Variants in MSANTD2 observed in about 807,000 individuals in gnomAD.
MSANTD2 encodes the protein myb/SANT-like DNA-binding domain-containing protein 2.
In MSANTD2, 19 loss-of-function variants were observed where a neutral mutation model predicts 52.6. The observed-to-expected ratio is 0.36, with a 90% confidence interval of 0.25 to 0.53. The LOEUF is 0.53. Ranked by LOEUF, MSANTD2 falls within the 20% of genes least tolerant of loss-of-function variation. The pLI, the probability that MSANTD2 is intolerant of heterozygous loss-of-function variation, is 0.91. For synonymous variants in MSANTD2, 291 were observed against 289.7 expected (o/e 1.00, Z -0.04); for missense variants, 558 against 716.3 (o/e 0.78, Z 2.52).
At position 124,800,165 on chromosome 11, in the gene MSANTD2, G is replaced by A; in HGVS notation, c.216C>T (p.Gly72=). Residue 72 remains glycine, a synonymous_variant, in exon 1 of 4, where the codon GGC becomes GGT. Transcript: ENST00000374979. This position sits in a 1 kb window ranked among gnomAD's most constrained non-coding sequence, Gnocchi z 4.3. ...ASGGLGLGLG[G]RSAASSSVSF... is the part of the protein sequence containing the mutation. ...AGACCGAGGACGAGGCGGCGCTGCG[G>A]CCCCCCAGCCCCAGCCCGAGACCCC... The A allele has an allele frequency of 6.8e-7, 1 of 1,462,028 alleles. No homozygotes were observed. 90.6% of individuals were successfully genotyped at this position (1,462,028 alleles called of 1,614,324 possible).
At position 124,799,959 on chromosome 11, in the gene MSANTD2, G is replaced by A; in HGVS notation, c.422C>T (p.Pro141Leu). 6.3e-7 allele frequency: 1 copy of A among 1,585,470 alleles called. No homozygotes were observed. Among genetic ancestry groups the A allele is most frequent in the Non-Finnish European group, 8.5e-7 (1 of 1,174,720 alleles). The change falls in exon 1 of 4, where the codon CCC (proline) becomes CTC (leucine). Residue 141 changes from proline to leucine, a missense_variant. Physicochemically the swap from Pro to Leu is moderately conservative, Grantham distance 98. This residue lies in a region of MSANTD2 where 408 missense variants were observed against 573.6 expected (regional missense o/e 0.71). Coordinates refer to ENST00000374979, the MANE Select transcript of MSANTD2 (RefSeq NM_001308027.2). Reference sequence around the variant, plus strand: ...CACGCGCTCGTACATGGCTGGCCCGGGGGCCTTGCTGCCGAACACCGTGCC... The same window carrying A: ...CACGCGCTCGTACATGGCTGGCCCGAGGGCCTTGCTGCCGAACACCGTGCC... ...GAGTVFGSKA[P>L]GPAMYERVSR... is the part of the protein sequence containing the mutation.
At chr11:124,799,813 C>T in intron 1 of MSANTD2, 58 bp downstream of exon 1, 4 of 1,375,024 alleles carry the variant, frequency 2.9e-6, no homozygotes, top group Non-Finnish European at 3.9e-6. Context: ...CCCCGAGGCC[C>T]GCTTCCCCGC....
chr11:124,799,766 C>T, intron 1 of MSANTD2, 105 bp downstream of exon 1: 2 of 762,266 alleles, frequency 2.6e-6, no homozygotes, highest in South Asian at 3.9e-5. Context: ...GCCCACCGGG[C>T]CCCGGAGGAG....
chr11:124,772,178 T>C lies in MSANTD2; in HGVS notation c.827+816A>G, dbSNP rs181556191. On this transcript the variant is annotated intron_variant, in intron 3 of 3. Coordinates refer to ENST00000374979, the MANE Select transcript of MSANTD2 (RefSeq NM_001308027.2). ...GCAACTGCTTTCTTCTCCAAATGTA[T>C]AATAGGTCATCTAAGAGCTTTCTTT... Among the ~76,000 whole-genome samples, 13 of 152,324 alleles carry C rather than the reference T, an allele frequency of 8.5e-5. No individual in the cohort carries two copies. The East Asian group carries it at 2.3e-3, about 27-fold the overall frequency.
chr11:124,798,016 G>T (rs769173646), intron 1 of MSANTD2, among the ~76,000 whole-genome samples: 1 of 152,062 alleles, frequency 6.6e-6, no homozygotes, highest in Non-Finnish European at 1.5e-5. Context: ...AATCAATCAA[G>T]CTGAAACAGT....
chr11:124,767,090 G>A lies in MSANTD2; in HGVS notation c.*86C>T, dbSNP rs1486877774. The A allele has an allele frequency of 2.2e-5, 29 of 1,317,076 alleles. No individual in the cohort carries two copies. The highest frequency in any genetic ancestry group is 5.4e-4 in the Middle Eastern group (2 of 3,718). 81.6% of individuals were successfully genotyped at this position (1,317,076 alleles called of 1,614,324 possible). ...GGGTTTCCATGAAGAGTCTGACGGC[G>A]GCATCTGGATGAGGGGTGGTCCGGG... On this transcript the variant is annotated 3_prime_UTR_variant, in exon 4 of 4. Transcript: ENST00000374979. The surrounding 1 kb of genome is among the most constrained non-coding windows in gnomAD (Gnocchi z 6.5).
At chr11:124,786,057 T>C (rs1945147348) in intron 1 of MSANTD2, among the ~76,000 whole-genome samples, 1 of 151,390 alleles carries the variant, frequency 6.6e-6, no homozygotes. Flanking sequence ...GTAAACATAT[T>C]TACCTAGGTT....
At chr11:124,780,072 T>G (rs1003484633) in intron 1 of MSANTD2, among the ~76,000 whole-genome samples, 2 of 152,212 alleles carry the variant, frequency 1.3e-5, no homozygotes, top group Non-Finnish European at 2.9e-5. Context: ...TTAATATCTT[T>G]AAGAAAAACA....
In MSANTD2 at chr11:124,766,891, C is replaced by G. The variant is rs1456213150; in HGVS notation, c.*285G>C. On this transcript the variant is annotated 3_prime_UTR_variant, in exon 4 of 4. Transcript: ENST00000374979. ...ACCTACATTTGTTTATATTAGGGCT[C>G]TAAAATCCATTTAAAAATTGTTTTT... 1.0e-5 allele frequency: 3 copies of G among 286,536 alleles called. No homozygotes were observed. Among genetic ancestry groups the G allele is most frequent in the Non-Finnish European group, 1.9e-5 (3 of 154,742 alleles). The allele number at this position is 286,536 out of a possible 1,614,324, so 17.7% of individuals were successfully genotyped here.
chr11:124,772,474 G>A (rs906364550), intron 3 of MSANTD2, among the ~76,000 whole-genome samples: 17 of 152,000 alleles, frequency 1.1e-4, no homozygotes, highest in Admixed American at 3.3e-4. Flanking sequence ...GCGGTGGCTC[G>A]CGCCTGTAAT....
intron 1 of MSANTD2, among the ~76,000 whole-genome samples, chr11:124,777,149 T>A (rs922669540): frequency 3.9e-5 from 6 of 152,172 alleles, no homozygotes; most frequent in Non-Finnish European, 8.8e-5. Context: ...TCTCACAATG[T>A]CTAGTTTCTG....
rs1944335000 is a variant in MSANTD2, at chr11:124,767,307, C to G, written c.1549G>C (p.Val517Leu). ...GATTTGGGGGAAACTCCGGGATCCACAATACAGTTCTGAGACAAAAACCCG... is the reference window on the plus strand; with the variant it reads ...GATTTGGGGGAAACTCCGGGATCCAGAATACAGTTCTGAGACAAAAACCCG... ...INGFLSQNCIVDPGVSPKSIY... is the reference protein window; with the variant it reads ...INGFLSQNCILDPGVSPKSIY... The change falls in exon 4 of 4, where the codon GTG (valine) becomes CTG (leucine). Residue 517 changes from valine (V) to leucine (L), a missense_variant. Val to Leu is a conservative substitution (Grantham distance 32). Coordinates refer to ENST00000374979, the MANE Select transcript of MSANTD2 (RefSeq NM_001308027.2). The surrounding 1 kb of genome is among the most constrained non-coding windows in gnomAD (Gnocchi z 6.5). The G allele has an allele frequency of 1.9e-6, 3 of 1,614,204 alleles. No homozygotes were observed. Among genetic ancestry groups the G allele is most frequent in the Non-Finnish European group, 2.5e-6 (3 of 1,180,032 alleles).
Position 124,774,706 on chromosome 11 carries a change from T to C in MSANTD2, c.766+13A>G, listed in dbSNP as rs1424390724. 6.2e-7 allele frequency: 1 copy of C among 1,612,894 alleles called. No individual in the cohort carries two copies. The highest frequency in any genetic ancestry group is 8.5e-7 in the Non-Finnish European group (1 of 1,179,336). On this transcript the variant is annotated intron_variant, in intron 2 of 3. Transcript: ENST00000374979. The surrounding 1 kb of genome is among the most constrained non-coding windows in gnomAD (Gnocchi z 5.1). ...TACACAAACATAAGTATCATATATGTTGGCTTTCTTACCCAATTCCTGATC... is the reference window on the plus strand; with the variant it reads ...TACACAAACATAAGTATCATATATGCTGGCTTTCTTACCCAATTCCTGATC...
At chr11:124,790,213 G>T (rs912185144) in intron 1 of MSANTD2, 1 of 152,186 alleles carries the variant, frequency 6.6e-6, no homozygotes, top group South Asian at 2.1e-4. Context: ...AAAAAGTCGG[G>T]GGGGAAAGCA....
rs977480549 is a variant in MSANTD2 at position 124,791,349 on chromosome 11, G to A, written c.510+8522C>T. On this transcript the variant is annotated intron_variant, in intron 1 of 3. Coordinates refer to ENST00000374979, the MANE Select transcript of MSANTD2 (RefSeq NM_001308027.2). ...AGACTCTGGCCCCTACAGCTGCTCC[G>A]TGAATGTGCAAGACAAACAAGGCAT... 29 of 1,396,134 alleles carry A rather than the reference G, an allele frequency of 2.1e-5. No individual in the cohort carries two copies. In the East Asian group the frequency reaches 2.7e-4, roughly 13 times the overall value. 86.5% of individuals were successfully genotyped at this position (1,396,134 alleles called of 1,614,324 possible). A position where few individuals can be genotyped will look rare whatever the true frequency, so the allele number is the denominator to read the frequency against.
chr11:124,776,695 A>G (rs996592164), intron 1 of MSANTD2, among the ~76,000 whole-genome samples: 1 of 152,216 alleles, frequency 6.6e-6, no homozygotes, highest in African/African-American at 2.4e-5. Context: ...CTAGATGGGT[A>G]AAAGGAATAA....
chr11:124,786,099 T>C (rs1331545969), intron 1 of MSANTD2, among the ~76,000 whole-genome samples: 14 of 113,514 alleles, frequency 1.2e-4, no homozygotes, highest in African/African-American at 4.2e-4. Context: ...TTTCTTCTTT[T>C]TTTTTTTTTT....
At chr11:124,775,811 C>T (rs537627057) in intron 1 of MSANTD2, 2 of 152,356 alleles carry the variant, frequency 1.3e-5, no homozygotes, top group South Asian at 4.1e-4. Flanking sequence ...TATGCAAATC[C>T]ACAGACAAAA....
At position 124,785,918 on chromosome 11, in the gene MSANTD2, C is replaced by T. The variant is rs1945143887; in HGVS notation, c.511-10944G>A. On this transcript the variant is annotated intron_variant, in intron 1 of 3. Coordinates refer to ENST00000374979, the MANE Select transcript of MSANTD2 (RefSeq NM_001308027.2). ...TTCAGTGTCTTTAATGTAAGTTCAT[C>T]TTTGGTTTCAAAACTAAGACCTGGT... is the stretch of plus-strand genomic sequence containing the variant. 1.3e-5 allele frequency among the ~76,000 whole-genome samples: 2 copies of T among 151,794 alleles called. 1 individual carries two copies. The highest frequency in any genetic ancestry group is 4.2e-4 in the South Asian group (2 of 4,804).
Sources: allele counts gnomAD v4.1 joint callset (sites outside exome capture counted in the v4.1 genomes callset), GRCh38; gene constraint gnomAD v4.1.1; regional missense constraint gnomAD v4.1.1; non-coding constraint Gnocchi (gnomAD v3.1); transcripts MANE v1.5; gene names NCBI Gene and HGNC (gene_info 2026-07-23, HGNC 2026-07-21).